Variants in SLC5A10 observed in about 807,000 individuals in gnomAD.
SLC5A10 encodes solute carrier family 5 member 10.
SLC5A10 carries 55 observed loss-of-function variants against 68.9 expected under a neutral mutation model. That is an observed-to-expected ratio of 0.80 (90% CI 0.64 to 1.00). The LOEUF is 1.00. SLC5A10 is among the 50% of genes least tolerant of loss of function. The pLI is 0.00. For missense variants in SLC5A10, 732 were observed against 819.3 expected, an observed-to-expected ratio of 0.89 and a Z score of 1.30; for synonymous variants, 344 against 344.8, an observed-to-expected ratio of 1.00 and a Z score of 0.02.
intron 9 of SLC5A10, among the ~76,000 whole-genome samples, chr17:19,001,796 TG>T (rs555923896): frequency 4.8e-4 from 72 of 151,526 alleles, no homozygotes; most frequent in African/African-American, 1.6e-3. Flanking sequence ...GGCCCATCGC[TG>T]GGCGGGGGAT....
At chr17:18,954,199 G>A (rs1033687219) in intron 1 of SLC5A10, 1 of 152,286 alleles carries the variant, frequency 6.6e-6, no homozygotes, top group Admixed American at 6.5e-5. Context: ...GTGCCCACGT[G>A]GGGCAGAACA....
chr17:19,008,112 A>G (rs1262593043), intron 9 of SLC5A10, among the ~76,000 whole-genome samples: 1 of 152,238 alleles, frequency 6.6e-6, no homozygotes, highest in Non-Finnish European at 1.5e-5. Context: ...GTAGCAAGTT[A>G]TCTCAGCAGC....
intron 1 of SLC5A10, among the ~76,000 whole-genome samples, chr17:18,956,188 C>T (rs2042496246): frequency 6.8e-6 from 1 of 146,598 alleles, no homozygotes; most frequent in Non-Finnish European, 1.5e-5. Context: ...GAGCGAAACT[C>T]TGTCTCAAAA....
chr17:18,988,298 C>G (rs753831362), intron 9 of SLC5A10: 1 of 1,614,162 alleles, frequency 6.2e-7, no homozygotes, highest in South Asian at 1.1e-5. Context: ...GCAGGAAGTA[C>G]TTGACGTTAC....
chr17:18,984,429 C>A (rs1339884166), intron 9 of SLC5A10, among the ~76,000 whole-genome samples: 4 of 152,106 alleles, frequency 2.6e-5, no homozygotes, highest in African/African-American at 9.7e-5. Context: ...ACCCAGGCAT[C>A]CCCGGGGAAC....
chr17:19,004,772 G>A lies in SLC5A10; in HGVS notation c.983-8638G>A, dbSNP rs1207600952. 6.7e-6 allele frequency: 1 copy of A among 150,228 alleles called. No individual in the cohort carries two copies. The highest frequency in any genetic ancestry group is 1.5e-5 in the Non-Finnish European group (1 of 67,250). 9.3% of individuals were successfully genotyped at this position (150,228 alleles called of 1,614,324 possible). On this transcript the variant is annotated intron_variant, in intron 9 of 14. Transcript: ENST00000395645. This position sits in a 1 kb window ranked among gnomAD's most constrained non-coding sequence, Gnocchi z 5.4. Reference sequence around the variant, plus strand: ...CTGCGGCGGCGGCGCGAGGCTGGGCGGGGGCGCGCCGGTGACTCAGGGCCG... The same window carrying A: ...CTGCGGCGGCGGCGCGAGGCTGGGCAGGGGCGCGCCGGTGACTCAGGGCCG...
intron 11 of SLC5A10, among the ~76,000 whole-genome samples, chr17:19,015,623 G>A (rs2044123623): frequency 6.6e-6 from 1 of 152,244 alleles, no homozygotes; most frequent in Non-Finnish European, 1.5e-5. Flanking sequence ...CTGAGCTCCA[G>A]CTTGTTTCCT....
intron 9 of SLC5A10, among the ~76,000 whole-genome samples, chr17:19,008,764 G>A (rs2043953705): frequency 6.6e-6 from 1 of 151,788 alleles, no homozygotes; most frequent in African/African-American, 2.4e-5. Flanking sequence ...CTCCCAAAGT[G>A]CTGGGATTAC....
At chr17:18,980,772 C>T (rs757834110) in intron 9 of SLC5A10, among the ~76,000 whole-genome samples, 32 of 152,188 alleles carry the variant, frequency 2.1e-4, no homozygotes, top group Non-Finnish European at 4.0e-4. Context: ...CTCATCTGGC[C>T]CCTGTCTAGG....
chr17:19,001,485 C>T (rs776345429), intron 9 of SLC5A10, among the ~76,000 whole-genome samples: 5 of 152,148 alleles, frequency 3.3e-5, no homozygotes, highest in African/African-American at 4.8e-5. Flanking sequence ...CCCACCTGTC[C>T]GAGGCTGGAG....
chr17:18,979,668 G>A (rs1422079332), intron 9 of SLC5A10: 9 of 1,613,208 alleles, frequency 5.6e-6, no homozygotes, highest in Non-Finnish European at 7.6e-6. Flanking sequence ...TCCGCACTCT[G>A]AGATTCTGTT....
chr17:18,989,955 G>A (rs2043371168), intron 9 of SLC5A10, among the ~76,000 whole-genome samples: 1 of 152,226 alleles, frequency 6.6e-6, no homozygotes, highest in African/African-American at 2.4e-5. Flanking sequence ...GGTCCCCCCA[G>A]AGCGGACAGC....
intron 9 of SLC5A10, among the ~76,000 whole-genome samples, chr17:19,008,818 T>A (rs567914506): frequency 0.047 from 6,792 of 145,032 alleles, 526 homozygotes; most frequent in African/African-American, 0.17. Context: ...TTATTATTTT[T>A]TTTTTTTTTT....
chr17:19,005,423 C>T (rs1227177726), intron 9 of SLC5A10, among the ~76,000 whole-genome samples: 1 of 152,134 alleles, frequency 6.6e-6, no homozygotes, highest in East Asian at 1.9e-4. Flanking sequence ...AGCGTGGAGA[C>T]CACATCTGAA....
intron 9 of SLC5A10, among the ~76,000 whole-genome samples, chr17:18,981,665 G>A (rs2043136312): frequency 6.6e-6 from 1 of 152,172 alleles, no homozygotes; most frequent in Admixed American, 6.5e-5. Flanking sequence ...GTGGGCCGTG[G>A]GTGAGTCCCC....
intron 4 of SLC5A10, among the ~76,000 whole-genome samples, chr17:18,959,939 C>T (rs962527295): frequency 2.4e-4 from 37 of 152,114 alleles, no homozygotes; most frequent in Admixed American, 3.3e-4. Context: ...GAATAATGTC[C>T]CATCCAGCTG....
chr17:19,000,825 C>T lies in SLC5A10; in HGVS notation c.983-12585C>T, dbSNP rs773321046. Among the ~76,000 whole-genome samples, 2 of 152,096 alleles carry T rather than the reference C, an allele frequency of 1.3e-5. No homozygotes were observed. The highest frequency in any genetic ancestry group is 6.5e-5 in the Admixed American group (1 of 15,286). On this transcript the variant is annotated intron_variant, in intron 9 of 14. Coordinates refer to ENST00000395645, the MANE Select transcript of SLC5A10 (RefSeq NM_001042450.4). This position sits in a 1 kb window ranked among gnomAD's most constrained non-coding sequence, Gnocchi z 5.2. ...TCATGGGGAGAGATAAGGCAGGGAG[C>T]GCTCCCAGGAAGCAGGCAGACAAAG... is the stretch of plus-strand genomic sequence containing the variant.
chr17:19,020,481 C>T lies in SLC5A10; in HGVS notation c.*50C>T. ...AGGAGCTCTGAGTCCTCAGGTCCACCCATTTCCCTCATGGGGATCCCGAGG... is the reference window on the plus strand; with the variant it reads ...AGGAGCTCTGAGTCCTCAGGTCCACTCATTTCCCTCATGGGGATCCCGAGG... On this transcript the variant is annotated 3_prime_UTR_variant, in exon 15 of 15. Transcript: ENST00000395645. 1 of 1,565,312 alleles carries T rather than the reference C, an allele frequency of 6.4e-7. No individual in the cohort carries two copies. The highest frequency in any genetic ancestry group is 8.8e-7 in the Non-Finnish European group (1 of 1,139,106).
At chr17:19,005,447 G>A (rs73982610) in intron 9 of SLC5A10, among the ~76,000 whole-genome samples, 10,555 of 152,174 alleles carry the variant, frequency 0.069, 671 homozygotes, top group South Asian at 0.32. Flanking sequence ...AGGCTTTGAG[G>A]GTGGGACAGC....
Sources: gnomAD v4.1 joint callset for allele counts (sites outside exome capture counted in the v4.1 genomes callset) on GRCh38, gnomAD v4.1.1 for gene constraint, Gnocchi (gnomAD v3.1) non-coding constraint, MANE v1.5 for transcripts, NCBI Gene and HGNC (gene_info 2026-07-23, HGNC 2026-07-21) for gene names.